Variants in PXDC1 observed in about 807,000 individuals in gnomAD.
The protein encoded by PXDC1 is PX domain containing 1, also known as PX domain-containing protein 1.
PXDC1 carries 13 observed loss-of-function variants against 24.4 expected under a neutral mutation model. The ratio of observed to expected loss-of-function variants is 0.53; its 90% CI spans 0.35 to 0.85. The LOEUF (loss-of-function observed/expected upper bound fraction) is 0.85. PXDC1 is among the 40% of genes least tolerant of loss of function. PXDC1 has a pLI of 0.01. For synonymous variants in PXDC1, 162 were observed against 124.9 expected, an observed-to-expected ratio of 1.30 and a Z score of -1.98; for missense variants, 344 against 309.3, an observed-to-expected ratio of 1.11 and a Z score of -0.84.
chr6:3,723,705 G>T lies in PXDC1; in HGVS notation c.610C>A (p.Leu204Met). 6.2e-7 allele frequency: 1 copy of T among 1,614,172 alleles called. No individual in the cohort carries two copies. The highest frequency in any genetic ancestry group is 1.3e-5 in the African/African-American group (1 of 75,056). ...FENGSEFPSE[L>M]EDGDDPAAYV... ...GCTGCTGGGTCGTCCCCGTCCTCCAGCTCTGAGGGAAACTCACTGCCATTC... is the reference window on the plus strand; with the variant it reads ...GCTGCTGGGTCGTCCCCGTCCTCCATCTCTGAGGGAAACTCACTGCCATTC... The change falls in exon 5 of 5, where the codon CTG becomes ATG. Residue 204 changes from leucine (L) to methionine (M), a missense_variant. Leu to Met is a conservative substitution (Grantham distance 15). Transcript: ENST00000380283.
At chr6:3,740,440 T>C (rs1320272228) in intron 1 of PXDC1, among the ~76,000 whole-genome samples, 1 of 152,216 alleles carries the variant, frequency 6.6e-6, no homozygotes, top group Non-Finnish European at 1.5e-5. Flanking sequence ...ACTAAAAACA[T>C]ATTTGCTGTT....
Position 3,751,360 on chromosome 6 carries a change from C to G in PXDC1, c.172G>C (p.Ala58Pro). The G allele has an allele frequency of 1.9e-6, 3 of 1,559,532 alleles. No homozygotes were observed. Among genetic ancestry groups the G allele is most frequent in the Non-Finnish European group, 2.6e-6 (3 of 1,154,470 alleles). ...RSVLYLHRSL[A>P]DLGRLWQRLR... ...CGCTGCCACAGGCGGCCCAGGTCCG[C>G]CAGGCTGCGGTGCAGGTAGAGCACG... Residue 58 changes from alanine to proline, a missense_variant, in exon 1 of 5, where the codon GCG becomes CCG. Ala to Pro is a conservative substitution (Grantham distance 27). Coordinates refer to ENST00000380283, the MANE Select transcript of PXDC1 (RefSeq NM_183373.4).
chr6:3,744,790 A>AG (rs1295505632), intron 1 of PXDC1, among the ~76,000 whole-genome samples: 1 of 152,236 alleles, frequency 6.6e-6, no homozygotes, highest in East Asian at 1.9e-4. Flanking sequence ...CTCCGCTTCC[A>AG]GGGTTCAAGT....
At position 3,724,989 on chromosome 6, in the gene PXDC1, G is replaced by A. The variant is rs1021715254; in HGVS notation, c.579-1253C>T. Reference sequence around the variant, plus strand: ...CCCGCCTCGGCTTCCCTATGCTCACGGTCCTGGCAACACGAGGCTGGGACA... The same window carrying A: ...CCCGCCTCGGCTTCCCTATGCTCACAGTCCTGGCAACACGAGGCTGGGACA... On this transcript the variant is annotated intron_variant, in intron 4 of 4. Transcript: ENST00000380283. The surrounding 1 kb of genome is among the most constrained non-coding windows in gnomAD (Gnocchi z 4.5). Among the ~76,000 whole-genome samples, 3 of 152,100 alleles carry A rather than the reference G, an allele frequency of 2.0e-5. No homozygotes were observed. The highest frequency in any genetic ancestry group is 4.4e-5 in the Non-Finnish European group (3 of 68,034).
At chr6:3,739,457 C>T (rs1375493393) in intron 1 of PXDC1, among the ~76,000 whole-genome samples, 1 of 152,272 alleles carries the variant, frequency 6.6e-6, no homozygotes, top group East Asian at 1.9e-4. Flanking sequence ...CTGCCCCCTC[C>T]ACTGACCTCA....
At position 3,725,058 on chromosome 6, in the gene PXDC1, T is replaced by C. The variant is rs1053552907; in HGVS notation, c.579-1322A>G. ...GCCCTAGCTGTGGGTGGGAAAGCTATGGGGGGCTCACGGAGACAGAGCAGC... is the reference window on the plus strand; with the variant it reads ...GCCCTAGCTGTGGGTGGGAAAGCTACGGGGGGCTCACGGAGACAGAGCAGC... On this transcript the variant is annotated intron_variant, in intron 4 of 4. Coordinates refer to ENST00000380283, the MANE Select transcript of PXDC1 (RefSeq NM_183373.4). The surrounding 1 kb of genome is among the most constrained non-coding windows in gnomAD (Gnocchi z 4.8). Among the ~76,000 whole-genome samples, 3 of 151,950 alleles carry C rather than the reference T, an allele frequency of 2.0e-5. No homozygotes were observed. The highest frequency in any genetic ancestry group is 2.9e-5 in the Non-Finnish European group (2 of 67,980).
Position 3,751,256 on chromosome 6 carries a change from C to T in PXDC1, c.256+20G>A, listed in dbSNP as rs761608035. 12 of 1,452,778 alleles carry T rather than the reference C, an allele frequency of 8.3e-6. No individual in the cohort carries two copies. The highest frequency in any genetic ancestry group is 1.1e-5 in the Non-Finnish European group (12 of 1,108,386). The allele number at this position is 1,452,778 out of a possible 1,614,324, so 90.0% of individuals were successfully genotyped here. ...AGGCTGCCTCGGCCCCGCGCCCCTC[C>T]CGCGTCCCCGGCCCCGCACCTTGCC... On this transcript the variant is annotated intron_variant, in intron 1 of 4. Transcript: ENST00000380283.
rs570576296 is a variant in PXDC1, at chr6:3,724,670, C to T, written c.579-934G>A. Among the ~76,000 whole-genome samples, 20 of 152,178 alleles carry T rather than the reference C, an allele frequency of 1.3e-4. No individual in the cohort carries two copies. Among genetic ancestry groups the T allele is most frequent in the South Asian group, 1.0e-3 (5 of 4,812 alleles). ...GCCACCTCGGGGCTGCCTCCTGTGC[C>T]GCCCCCAGTGACTGAAGGTGGCCCT... On this transcript the variant is annotated intron_variant, in intron 4 of 4. Coordinates refer to ENST00000380283, the MANE Select transcript of PXDC1 (RefSeq NM_183373.4). This position sits in a 1 kb window ranked among gnomAD's most constrained non-coding sequence, Gnocchi z 4.5.
At chr6:3,751,106 ACCCCGCCGCCCG>A in intron 1 of PXDC1, 158 bp downstream of exon 1, 3 of 547,414 alleles carry the variant, frequency 5.5e-6, no homozygotes, top group Non-Finnish European at 9.1e-6. Context: ...CGTCCCCCTA[ACCCCGCCGCCCG>A]GGCACCCCTC....
chr6:3,745,596 CCTGA>C (rs67830031), intron 1 of PXDC1, among the ~76,000 whole-genome samples: 70,129 of 151,544 alleles, frequency 0.46, 17,428 homozygotes, highest in Non-Finnish European at 0.56. Flanking sequence ...CCTATTAAGG[CCTGA>C]CTGTGTTCCC....
Position 3,735,094 on chromosome 6 carries a change from AAC to A in PXDC1, c.466+1983_466+1984del, listed in dbSNP as rs142922975. Among the ~76,000 whole-genome samples the A allele has an allele frequency of 8.4e-3, 1,281 of 152,212 alleles. 20 individuals are homozygous for A. Among genetic ancestry groups the A allele is most frequent in the African/African-American group, 0.029 (1,222 of 41,542 alleles). On this transcript the variant is annotated intron_variant, in intron 3 of 4. Coordinates refer to ENST00000380283, the MANE Select transcript of PXDC1 (RefSeq NM_183373.4). ...CAAAACCAACAAACAAAACAACAAC[AAC>A]AAAAATGAGCAAAACAATCCTAAAA...
intron 1 of PXDC1, chr6:3,738,919 G>A: frequency 7.7e-7 from 1 of 1,302,310 alleles, no homozygotes; most frequent in Non-Finnish European, 1.0e-6. Flanking sequence ...GGTGCCCAAG[G>A]ACACTGGCGT....
Position 3,737,578 on chromosome 6 carries a change from G to T in PXDC1, c.349-382C>A. On this transcript the variant is annotated intron_variant, in intron 2 of 4. Transcript: ENST00000380283. This position sits in a 1 kb window ranked among gnomAD's most constrained non-coding sequence, Gnocchi z 5.5. ...AGGTCTGCCTGGCGCTCAAGTCCAG[G>T]TTCTTAACCACCACTCACGACGAAG... 1 of 831,666 alleles carries T rather than the reference G, an allele frequency of 1.2e-6. No individual in the cohort carries two copies. Among genetic ancestry groups the T allele is most frequent in the South Asian group, 5.5e-5 (1 of 18,276 alleles). 51.5% of individuals were successfully genotyped at this position (831,666 alleles called of 1,614,324 possible).
At chr6:3,744,242 C>T (rs1173127907) in intron 1 of PXDC1, among the ~76,000 whole-genome samples, 2 of 152,186 alleles carry the variant, frequency 1.3e-5, no homozygotes, top group South Asian at 2.1e-4. Flanking sequence ...GAGCAGCCCA[C>T]TCAGGCAGGA....
chr6:3,744,309 G>A (rs1262185271), intron 1 of PXDC1, among the ~76,000 whole-genome samples: 1 of 152,162 alleles, frequency 6.6e-6, no homozygotes, highest in Non-Finnish European at 1.5e-5. Flanking sequence ...CCACCAGGCT[G>A]GGGATACCAC....
chr6:3,738,912 G>A, intron 1 of PXDC1: 1 of 1,302,432 alleles, frequency 7.7e-7, no homozygotes, highest in Non-Finnish European at 1.0e-6. Flanking sequence ...GGAAGTAGGT[G>A]CCCAAGGACA....
intron 1 of PXDC1, among the ~76,000 whole-genome samples, chr6:3,749,107 G>A (rs544005303): frequency 9.2e-5 from 14 of 152,218 alleles, no homozygotes; most frequent in African/African-American, 2.2e-4. Flanking sequence ...GTGCTGGGCA[G>A]GGACCAACTA....
rs1055674623 is a variant in PXDC1 at position 3,725,346 on chromosome 6, G to A, written c.579-1610C>T. On this transcript the variant is annotated intron_variant, in intron 4 of 4. Transcript: ENST00000380283. The surrounding 1 kb of genome is among the most constrained non-coding windows in gnomAD (Gnocchi z 4.8). ...GGCTCCCTGAGGTCCCCACAGAACC[G>A]CCCAGTGCCTCGGCCCTGGATGACC... is the stretch of plus-strand genomic sequence containing the variant. Among the ~76,000 whole-genome samples, 2 of 152,142 alleles carry A rather than the reference G, an allele frequency of 1.3e-5. No individual in the cohort carries two copies. Among genetic ancestry groups the A allele is most frequent in the Non-Finnish European group, 2.9e-5 (2 of 68,014 alleles).
At chr6:3,736,801 A>G (rs2127599972) in intron 3 of PXDC1, among the ~76,000 whole-genome samples, 1 of 152,360 alleles carries the variant, frequency 6.6e-6, no homozygotes, top group Middle Eastern at 3.4e-3. Context: ...TTCAAACTCT[A>G]TCATCAATGT....
Sources: gnomAD v4.1 joint callset for allele counts (sites outside exome capture counted in the v4.1 genomes callset) on GRCh38, gnomAD v4.1.1 for gene constraint, Gnocchi (gnomAD v3.1) non-coding constraint, MANE v1.5 for transcripts, NCBI Gene and HGNC (gene_info 2026-07-23, HGNC 2026-07-21) for gene names.